XPC: variants seen among roughly 807,000 people sequenced by gnomAD.
The protein encoded by XPC is XPC complex subunit, DNA damage recognition and repair factor, also known as DNA repair protein complementing XP-C cells.
XPC carries 76 observed loss-of-function variants against 95.8 expected under a neutral mutation model. That is an observed-to-expected ratio of 0.79 (90% CI 0.66 to 0.96). XPC has a LOEUF of 0.96. XPC is among the 40% of genes least tolerant of loss of function. The probability of loss-of-function intolerance (pLI) is 0.00; values close to 1 mark genes in which losing one functional copy is unlikely to be tolerated. For synonymous variants in XPC, 442 were observed against 442.1 expected (o/e 1.00, Z 0.00); for missense variants, 1,146 against 1,179.8 (o/e 0.97, Z 0.42).
At chr3:14,174,071 A>T (rs1320437255) in intron 1 of XPC, among the ~76,000 whole-genome samples, 4 of 152,162 alleles carry the variant, frequency 2.6e-5, no homozygotes, top group Non-Finnish European at 5.9e-5. Flanking sequence ...CTCCCTTCTG[A>T]TCTAAATGAA....
intron 7 of XPC, among the ~76,000 whole-genome samples, chr3:14,161,493 G>A (rs971160277): frequency 2.6e-5 from 4 of 151,076 alleles, no homozygotes; most frequent in African/African-American, 9.9e-5. Context: ...CTTATCCTAG[G>A]AATGCAAGGA....
chr3:14,156,643 G>A (rs1695923430), intron 9 of XPC, 148 bp from the exon 10 acceptor site: 4 of 1,062,814 alleles, frequency 3.8e-6, no homozygotes, highest in African/African-American at 1.6e-5. Context: ...CATCGCATCT[G>A]TACCTCCGGC....
chr3:14,148,585 G>A lies in XPC; in HGVS notation c.2397C>T (p.Phe799=), dbSNP rs1695545389. The A allele has an allele frequency of 6.2e-7, 1 of 1,613,826 alleles. No homozygotes were observed. The highest frequency in any genetic ancestry group is 8.5e-7 in the Non-Finnish European group (1 of 1,179,866). ...DCVQAITGFD[F]HGGYSHPVTD... ...ACACGGGATGGGAGTAGCCGCCATG[G>A]AAATCAAAGCCAGTGATGGCCTGGA... The change falls in exon 13 of 16, where the codon TTC becomes TTT. Residue 799 remains phenylalanine (F), a synonymous_variant. Coordinates refer to ENST00000285021, the MANE Select transcript of XPC (RefSeq NM_004628.5).
intron 14 of XPC, 45 bp from the exon 15 acceptor site, chr3:14,147,424 T>C (rs1346525583): frequency 1.3e-6 from 2 of 1,535,802 alleles, no homozygotes; most frequent in African/African-American, 2.8e-5. Flanking sequence ...AGCACTGACA[T>C]TTTCAGGAAA....
intron 11 of XPC, among the ~76,000 whole-genome samples, chr3:14,150,610 G>A (rs961180254): frequency 2.0e-5 from 3 of 152,202 alleles, no homozygotes; most frequent in African/African-American, 4.8e-5. Context: ...GGGATGGAGC[G>A]AGGACAGTCT....
At position 14,159,636 on chromosome 3, in the gene XPC, C is replaced by A. The variant is rs1006181497; in HGVS notation, c.990+105G>T. 10 of 1,191,348 alleles carry A rather than the reference C, an allele frequency of 8.4e-6. No homozygotes were observed. In the South Asian group the frequency reaches 1.3e-4, roughly 16 times the overall value. The allele number at this position is 1,191,348 out of a possible 1,614,324, so 73.8% of individuals were successfully genotyped here. A position where few individuals can be genotyped will look rare whatever the true frequency, so the allele number is the denominator to read the frequency against. ...TGTGCAAGGCTCGAAAGAACCCACACTCCGTGAATACCAGCTCTTAAAAAA... is the reference window on the plus strand; with the variant it reads ...TGTGCAAGGCTCGAAAGAACCCACAATCCGTGAATACCAGCTCTTAAAAAA... On this transcript the variant is annotated intron_variant, in intron 8 of 15. Transcript: ENST00000285021.
In XPC at chr3:14,158,215, C is replaced by T. The variant is rs376913422; in HGVS notation, c.1668G>A (p.Leu556=). The T allele has an allele frequency of 5.6e-6, 9 of 1,613,872 alleles. No individual in the cohort carries two copies. In the African/African-American group the frequency reaches 6.7e-5, roughly 12 times the overall value. The change falls in exon 9 of 16, where the codon CTG becomes CTA. Residue 556 remains leucine, a synonymous_variant. Coordinates refer to ENST00000285021, the MANE Select transcript of XPC (RefSeq NM_004628.5). This position sits in a 1 kb window ranked among gnomAD's most constrained non-coding sequence, Gnocchi z 5.2. ...DCVHGVVGQP[L]TCYKYATKPM... The stretch of plus-strand genomic sequence containing the variant: ...GCTTGGTGGCGTACTTGTAACAGGT[C>T]AGAGGCTGGCCCACCACACCGTGCA...
chr3:14,167,129 C>T (rs1373709591), intron 5 of XPC, 40 bp downstream of exon 5: 16 of 1,515,308 alleles, frequency 1.1e-5, no homozygotes, highest in Non-Finnish European at 1.4e-5. Context: ...CTCTTTGCAC[C>T]GACAAGGAAA....
intron 10 of XPC, 163 bp from the exon 11 acceptor site, chr3:14,152,579 G>T: frequency 1.7e-6 from 1 of 589,444 alleles, no homozygotes; most frequent in Non-Finnish European, 2.9e-6. Context: ...TAGGCAAACA[G>T]CCTTGAACGT....
chr3:14,147,964 C>T lies in XPC; in HGVS notation c.2458G>A (p.Val820Met), dbSNP rs775486844. The T allele has an allele frequency of 3.4e-5, 54 of 1,601,146 alleles. No homozygotes were observed. The highest frequency in any genetic ancestry group is 9.0e-5 in the East Asian group (4 of 44,528). ...GYIVCEEFKD[V>M]LLTAWENEQA... ...TCATTTTCCCAGGCAGTCAGGAGCA[C>T]GTCTTTGAATTCCTCGCAGACGATG... is the stretch of plus-strand genomic sequence containing the variant. The change falls in exon 14 of 16, where the codon GTG becomes ATG. Residue 820 changes from valine to methionine, a missense_variant. Coordinates refer to ENST00000285021, the MANE Select transcript of XPC (RefSeq NM_004628.5).
chr3:14,176,015 A>G (rs1203911346), intron 1 of XPC, among the ~76,000 whole-genome samples: 2 of 152,206 alleles, frequency 1.3e-5, no homozygotes, highest in South Asian at 2.1e-4. Flanking sequence ...TTTACCTAAC[A>G]TGGGTAAAGC....
At position 14,178,546 on chromosome 3, in the gene XPC, C is replaced by A; in HGVS notation, c.23G>T (p.Gly8Val). ...CAGTTCGCGTCCCCGCGGCTCCCCG[C>A]CGGCCGCGCGTTTCCGAGCCATGTT... MARKRAAGGEPRGRELRS... is the reference protein window; with the variant it reads MARKRAAVGEPRGRELRS... Residue 8 changes from glycine (G) to valine (V), a missense_variant, in exon 1 of 16, where the codon GGC (glycine) becomes GTC (valine). Transcript: ENST00000285021. 1 of 1,613,104 alleles carries A rather than the reference C, an allele frequency of 6.2e-7. No homozygotes were observed. The highest frequency in any genetic ancestry group is 8.5e-7 in the Non-Finnish European group (1 of 1,179,626).
At chr3:14,155,499 T>A (rs1481210080) in intron 10 of XPC, among the ~76,000 whole-genome samples, 1 of 152,134 alleles carries the variant, frequency 6.6e-6, no homozygotes, top group Non-Finnish European at 1.5e-5. Flanking sequence ...TTCCACTCTT[T>A]TTTTAGCTAT....
intron 2 of XPC, among the ~76,000 whole-genome samples, chr3:14,171,801 C>T (rs368113349): frequency 2.0e-5 from 3 of 151,518 alleles, no homozygotes; most frequent in Non-Finnish European, 4.4e-5. Context: ...CCAGCCTGGG[C>T]AACAGAGCGA....
chr3:14,158,206 G>C lies in XPC; in HGVS notation c.1677C>G (p.Tyr559Ter), dbSNP rs767569346. Reference protein sequence around the residue: ...HGVVGQPLTCYKYATKPMTYV... With the variant: ...HGVVGQPLTC ...AGGTCATGGGCTTGGTGGCGTACTT[G>C]TAACAGGTCAGAGGCTGGCCCACCA... The change falls in exon 9 of 16, where the codon TAC becomes TAG. Residue 559 changes from tyrosine to a stop codon, truncating the protein, a stop_gained. Transcript: ENST00000285021. LOFTEE classifies it high-confidence loss of function. This position sits in a 1 kb window ranked among gnomAD's most constrained non-coding sequence, Gnocchi z 5.2. 7 of 1,613,932 alleles carry C rather than the reference G, an allele frequency of 4.3e-6. No homozygotes were observed. The highest frequency in any genetic ancestry group is 3.3e-5 in the South Asian group (3 of 91,090).
rs185602613 is a variant in XPC, at chr3:14,175,377, T to C, written c.104-2315A>G. On this transcript the variant is annotated intron_variant, in intron 1 of 15. Transcript: ENST00000285021. The stretch of plus-strand genomic sequence containing the variant: ...TCATCTATAGAAGCATTTTCTGCTA[T>C]GTACCCAAATAAGTTTTATCACAGC... Among the ~76,000 whole-genome samples the C allele has an allele frequency of 2.7e-3, 416 of 152,338 alleles. 1 individual carries two copies. The highest frequency in any genetic ancestry group is 4.2e-3 in the Non-Finnish European group (287 of 68,032).
Position 14,158,920 on chromosome 3 carries a change from T to C in XPC, c.991-28A>G. The C allele has an allele frequency of 6.2e-7, 1 of 1,612,928 alleles. No individual in the cohort carries two copies. The highest frequency in any genetic ancestry group is 8.5e-7 in the Non-Finnish European group (1 of 1,179,844). Reference sequence around the variant, plus strand: ...TAAACAGAATAAGAAATTTTGCTTTTTTTTCTCCCCCCTCTTTTGCTAATG... The same window carrying C: ...TAAACAGAATAAGAAATTTTGCTTTCTTTTCTCCCCCCTCTTTTGCTAATG... On this transcript the variant is annotated intron_variant, in intron 8 of 15. Transcript: ENST00000285021. The surrounding 1 kb of genome is among the most constrained non-coding windows in gnomAD (Gnocchi z 5.2).
At chr3:14,148,104 G>T in intron 13 of XPC, 103 bp from the exon 14 acceptor site, 1 of 973,122 alleles carries the variant, frequency 1.0e-6, no homozygotes, top group Admixed American at 2.4e-5. Flanking sequence ...TGAGCACTAG[G>T]GGTCCTGAAG....
At chr3:14,175,482 C>G (rs1048746153) in intron 1 of XPC, among the ~76,000 whole-genome samples, 1 of 152,018 alleles carries the variant, frequency 6.6e-6, no homozygotes, top group Non-Finnish European at 1.5e-5. Context: ...AAGTACCCCT[C>G]CCCCCAGATT....
Sources: gnomAD v4.1 joint callset for allele counts (sites outside exome capture counted in the v4.1 genomes callset) on GRCh38, gnomAD v4.1.1 for gene constraint, Gnocchi (gnomAD v3.1) non-coding constraint, MANE v1.5 for transcripts, NCBI Gene and HGNC (gene_info 2026-07-23, HGNC 2026-07-21) for gene names.